The following PCDH11X variants were observed in gnomAD, a reference collection of about 807,000 sequenced individuals.
PCDH11X encodes protocadherin-11 X-linked.
PCDH11X carries 18 observed loss-of-function variants against 53.3 expected under a neutral mutation model. The ratio of observed to expected loss-of-function variants is 0.34; its 90% CI spans 0.23 to 0.50. The LOEUF is 0.50. Among genes scored for constraint, PCDH11X ranks in the 20% least tolerant of loss-of-function variants. The pLI is 0.98. For missense variants in PCDH11X, 570 were observed against 1,032.4 expected, an observed-to-expected ratio of 0.55 and a Z score of 6.14; for synonymous variants, 279 against 393.3, an observed-to-expected ratio of 0.71 and a Z score of 3.44.
At chrX:92,354,874 G>A (rs1255760226) in intron 8 of PCDH11X, among the ~76,000 whole-genome samples, 1 of 111,160 alleles carries the variant, frequency 9.0e-6, no homozygotes, top group Non-Finnish European at 1.9e-5. Flanking sequence ...TAAATGTGAG[G>A]TCAATCAATA....
At position 92,139,475 on chromosome X, in the gene PCDH11X, G is replaced by T. The variant is rs1313169752; in HGVS notation, c.3034-61900G>T. ...GATGGGGTTTCGCCATGTTGACCAG[G>T]GTGGTCTCAAGCTCCTGACCTTGTG... On this transcript the variant is annotated intron_variant, in intron 6 of 10. Transcript: ENST00000682573. 2.8e-5 allele frequency among the ~76,000 whole-genome samples: 3 copies of T among 107,802 alleles called. No homozygotes were observed. The Admixed American group carries it at 3.0e-4, about 11-fold the overall frequency. 93.6% of individuals were successfully genotyped at this position (107,802 alleles called of 115,157 possible).
At chrX:92,213,903 GA>G (rs34841341) in intron 7 of PCDH11X, among the ~76,000 whole-genome samples, 64,171 of 110,908 alleles carry the variant, frequency 0.58, 15,246 homozygotes, top group Middle Eastern at 0.79. Flanking sequence ...ATATAAGGAA[GA>G]AATCAAGGGT....
intron 8 of PCDH11X, among the ~76,000 whole-genome samples, chrX:92,373,453 C>T (rs1442486982): frequency 9.0e-6 from 1 of 111,501 alleles, no homozygotes; most frequent in Non-Finnish European, 1.9e-5. Flanking sequence ...TCGTCTCCTG[C>T]TGTTAAGAAA....
At chrX:92,090,347 GAATGATAGA>G (rs1346038093) in intron 6 of PCDH11X, among the ~76,000 whole-genome samples, 1 of 109,961 alleles carries the variant, frequency 9.1e-6, no homozygotes, top group Non-Finnish European at 1.9e-5. Context: ...AACTAGAGCA[GAATGATAGA>G]AATCTCTTGT....
chrX:91,873,275 C>T (rs1348853257), intron 5 of PCDH11X, among the ~76,000 whole-genome samples: 1 of 109,595 alleles, frequency 9.1e-6, no homozygotes, highest in South Asian at 3.9e-4. Flanking sequence ...CAGTGTCCAA[C>T]GTAGTAGCTA....
chrX:92,501,565 T>C (rs1043037373), intron 10 of PCDH11X, among the ~76,000 whole-genome samples: 41 of 111,940 alleles, frequency 3.7e-4, no homozygotes, highest in African/African-American at 1.3e-3. Context: ...GATTCAAGGC[T>C]GGCTCAACAT....
Position 91,907,412 on chromosome X carries a change from C to CCCACACACAGAGAGAG in PCDH11X, c.3033+28139_3033+28140insCCACACACAGAGAGAG, listed in dbSNP as rs1556333002. ...ACACACACACACACACACACACACA[C>CCCACACACAGAGAGAG]AGAGAGAGAGAGAGAGAGAGAGAGA... On this transcript the variant is annotated intron_variant, in intron 6 of 10. Coordinates refer to ENST00000682573, the MANE Select transcript of PCDH11X (RefSeq NM_032968.5). Among the ~76,000 whole-genome samples, 42 of 57,495 alleles carry CCCACACACAGAGAGAG rather than the reference C, an allele frequency of 7.3e-4. 1 individual carries two copies. The highest frequency in any genetic ancestry group is 2.6e-3 in the African/African-American group (35 of 13,386). The allele number at this position is 57,495 out of a possible 115,157, so 49.9% of individuals were successfully genotyped here. A position where few individuals can be genotyped will look rare whatever the true frequency, so the allele number is the denominator to read the frequency against.
chrX:92,553,380 G>A (rs2074994859), intron 10 of PCDH11X, among the ~76,000 whole-genome samples: 1 of 109,021 alleles, frequency 9.2e-6, no homozygotes, highest in Admixed American at 9.9e-5. Flanking sequence ...GCTCATAGTA[G>A]CCACTAATGA....
chrX:92,033,460 T>A (rs1299716184), intron 6 of PCDH11X, among the ~76,000 whole-genome samples: 4 of 109,387 alleles, frequency 3.7e-5, no homozygotes, highest in African/African-American at 1.3e-4. Flanking sequence ...TTCTGCATGG[T>A]TCAATATTTG....
intron 6 of PCDH11X, among the ~76,000 whole-genome samples, chrX:92,130,384 T>C (rs1361289823): frequency 1.8e-5 from 2 of 110,845 alleles, no homozygotes; most frequent in African/African-American, 6.6e-5. Context: ...CGGTGGCTCA[T>C]GCCTGTAATC....
chrX:91,981,367 G>C (rs1388503910), intron 6 of PCDH11X, among the ~76,000 whole-genome samples: 1 of 109,736 alleles, frequency 9.1e-6, no homozygotes, highest in Non-Finnish European at 1.9e-5. Context: ...GCTTGTCCTT[G>C]CCGAAATTGT....
At chrX:92,335,489 T>A in intron 8 of PCDH11X, among the ~76,000 whole-genome samples, 1 of 109,080 alleles carries the variant, frequency 9.2e-6, no homozygotes, top group Admixed American at 9.9e-5. Flanking sequence ...AATCGAAATC[T>A]ATTTATCTCG....
At chrX:92,069,541 T>C (rs1325476295) in intron 6 of PCDH11X, among the ~76,000 whole-genome samples, 2 of 111,581 alleles carry the variant, frequency 1.8e-5, no homozygotes, top group African/African-American at 6.5e-5. Flanking sequence ...TTGCAGTCTT[T>C]TTTTCTGCCT....
At chrX:92,083,784 T>A (rs2063900885) in intron 6 of PCDH11X, among the ~76,000 whole-genome samples, 1 of 111,148 alleles carries the variant, frequency 9.0e-6, no homozygotes, top group African/African-American at 3.3e-5. Context: ...ATATGATAAC[T>A]ATAACTCTAT....
In PCDH11X at chrX:92,338,175, A is replaced by C. The variant is rs1055130021; in HGVS notation, c.3145-49560A>C. 6.2e-5 allele frequency among the ~76,000 whole-genome samples: 7 copies of C among 112,220 alleles called. No individual in the cohort carries two copies. In the South Asian group the frequency reaches 1.5e-3, roughly 24 times the overall value. On this transcript the variant is annotated intron_variant, in intron 8 of 10. Coordinates refer to ENST00000682573, the MANE Select transcript of PCDH11X (RefSeq NM_032968.5). The stretch of plus-strand genomic sequence containing the variant: ...ACCTTTTCAAATAAAACAATAAATT[A>C]AGCTGACAATCTTTCCACATAGAAG...
intron 10 of PCDH11X, among the ~76,000 whole-genome samples, chrX:92,557,823 G>GAA (rs773306864): frequency 9.3e-6 from 1 of 106,996 alleles, no homozygotes; most frequent in Non-Finnish European, 1.9e-5. Context: ...ACAGTGACAT[G>GAA]AAAAAAAAAA....
chrX:92,570,015 CAA>C (rs766388753), intron 10 of PCDH11X, among the ~76,000 whole-genome samples: 48 of 32,040 alleles, frequency 1.5e-3, no homozygotes, highest in African/African-American at 4.6e-3. Flanking sequence ...GACTCAGTCT[CAA>C]AAAAAAAAAA....
At chrX:92,488,141 C>A (rs2073684201) in intron 10 of PCDH11X, among the ~76,000 whole-genome samples, 1 of 109,942 alleles carries the variant, frequency 9.1e-6, no homozygotes, top group Middle Eastern at 4.7e-3. Flanking sequence ...ATAATGATAT[C>A]TTTTGTTAAC....
At chrX:92,401,154 A>G (rs909008346) in intron 9 of PCDH11X, among the ~76,000 whole-genome samples, 4 of 108,413 alleles carry the variant, frequency 3.7e-5, no homozygotes, top group Non-Finnish European at 5.7e-5. Flanking sequence ...TCCTTTTTTC[A>G]TATTTAAATG....
Sources: allele counts gnomAD v4.1 joint callset (sites outside exome capture counted in the v4.1 genomes callset), GRCh38; gene constraint gnomAD v4.1.1; transcripts MANE v1.5; gene names NCBI Gene and HGNC (gene_info 2026-07-23, HGNC 2026-07-21).